The following GPATCH2 variants were observed in gnomAD, a reference collection of about 807,000 sequenced individuals.
The protein encoded by GPATCH2 is G patch domain-containing protein 2.
Under a neutral mutation model 58.0 loss-of-function variants are expected in GPATCH2, and 51 were observed. The ratio of observed to expected loss-of-function variants is 0.88; its 90% CI spans 0.70 to 1.11. The LOEUF is 1.11. GPATCH2 is among the 50% of genes most tolerant of loss of function. GPATCH2 has a pLI of 0.00. For missense variants in GPATCH2, 625 were observed against 652.2 expected, an observed-to-expected ratio of 0.96 and a Z score of 0.45; for synonymous variants, 222 against 218.5, an observed-to-expected ratio of 1.02 and a Z score of -0.14.
chr1:217,436,883 A>G (rs1023539447), intron 9 of GPATCH2, among the ~76,000 whole-genome samples: 1 of 152,164 alleles, frequency 6.6e-6, no homozygotes, highest in African/African-American at 2.4e-5. Flanking sequence ...AGCCGACTGA[A>G]CACTGAACTT....
At chr1:217,630,637 G>A (rs1669706486) in intron 1 of GPATCH2, among the ~76,000 whole-genome samples, 3 of 152,290 alleles carry the variant, frequency 2.0e-5, no homozygotes, top group South Asian at 2.1e-4. Context: ...AACAATCAAT[G>A]AGGAGATGAA....
Position 217,490,662 on chromosome 1 carries a change from C to T in GPATCH2, c.1277+1018G>A, listed in dbSNP as rs558288162. Among the ~76,000 whole-genome samples the T allele has an allele frequency of 9.2e-5, 14 of 152,256 alleles. No homozygotes were observed. In the South Asian group the frequency reaches 2.5e-3, roughly 27 times the overall value. On this transcript the variant is annotated intron_variant, in intron 8 of 9. Transcript: ENST00000366935. Reference sequence around the variant, plus strand: ...TTCTAAAAATTATATACATTTTTCACTTCTTATTGATTCATTTTTATGGTG... The same window carrying T: ...TTCTAAAAATTATATACATTTTTCATTTCTTATTGATTCATTTTTATGGTG...
chr1:217,528,765 ATGC>A (rs1664047870), intron 5 of GPATCH2, among the ~76,000 whole-genome samples: 1 of 152,218 alleles, frequency 6.6e-6, no homozygotes, highest in South Asian at 2.1e-4. Flanking sequence ...GCCTGAGAGA[ATGC>A]TGTTGGTTCC....
At chr1:217,604,479 A>G (rs1383651605) in intron 5 of GPATCH2, among the ~76,000 whole-genome samples, 1 of 152,206 alleles carries the variant, frequency 6.6e-6, no homozygotes, top group Non-Finnish European at 1.5e-5. Context: ...GTTTAAAAAC[A>G]CTTTCTTCTT....
At chr1:217,609,789 T>C (rs886400001) in intron 5 of GPATCH2, 71 of 974,458 alleles carry the variant, frequency 7.3e-5, no homozygotes, top group Non-Finnish European at 8.4e-5. Flanking sequence ...AGTCACAATA[T>C]AAACATTAAG....
intron 9 of GPATCH2, among the ~76,000 whole-genome samples, chr1:217,441,118 A>G (rs1296607945): frequency 1.3e-5 from 2 of 152,144 alleles, no homozygotes; most frequent in African/African-American, 2.4e-5. Flanking sequence ...CTGCAAGGCT[A>G]CAGTAACCAA....
intron 5 of GPATCH2, among the ~76,000 whole-genome samples, chr1:217,518,107 G>A (rs1571846696): frequency 6.6e-6 from 1 of 151,940 alleles, no homozygotes; most frequent in Non-Finnish European, 1.5e-5. Flanking sequence ...TTTATTAGAC[G>A]CTTATCACAC....
chr1:217,585,038 T>C (rs890026034), intron 5 of GPATCH2, among the ~76,000 whole-genome samples: 1 of 152,080 alleles, frequency 6.6e-6, no homozygotes, highest in Non-Finnish European at 1.5e-5. Flanking sequence ...ATAGACCTTA[T>C]ATAATATTAA....
chr1:217,561,917 G>C (rs559608047), intron 5 of GPATCH2, among the ~76,000 whole-genome samples: 37 of 152,286 alleles, frequency 2.4e-4, no homozygotes, highest in African/African-American at 8.4e-4. Context: ...TCTCTCTGGG[G>C]ACTGGTTCTA....
chr1:217,445,417 T>A (rs952838679), intron 9 of GPATCH2, among the ~76,000 whole-genome samples: 1 of 152,168 alleles, frequency 6.6e-6, no homozygotes, highest in Non-Finnish European at 1.5e-5. Flanking sequence ...ACAACCAACA[T>A]TGCTAACGCC....
chr1:217,528,484 C>G (rs1012753695), intron 5 of GPATCH2, among the ~76,000 whole-genome samples: 1 of 152,146 alleles, frequency 6.6e-6, no homozygotes, highest in African/African-American at 2.4e-5. Flanking sequence ...GCATCCTGCC[C>G]TTTCTTGCTC....
chr1:217,566,101 CAAAAAAA>C (rs59608962), intron 5 of GPATCH2, among the ~76,000 whole-genome samples: 587 of 47,264 alleles, frequency 0.012, 5 homozygotes, highest in South Asian at 0.051. Flanking sequence ...AACTCCGTCT[CAAAAAAA>C]AAAAAAAAAA....
intron 5 of GPATCH2, among the ~76,000 whole-genome samples, chr1:217,563,064 C>G (rs1286051184): frequency 6.6e-6 from 1 of 152,142 alleles, no homozygotes; most frequent in East Asian, 1.9e-4. Flanking sequence ...TCCAAAGTAC[C>G]CAGTTGTCTG....
intron 3 of GPATCH2, among the ~76,000 whole-genome samples, chr1:217,612,903 A>C (rs1230439522): frequency 1.3e-5 from 2 of 152,166 alleles, no homozygotes; most frequent in African/African-American, 4.8e-5. Context: ...AATTAATTAA[A>C]AACTTAAATG....
chr1:217,438,764 G>A (rs766376513), intron 9 of GPATCH2, among the ~76,000 whole-genome samples: 1 of 152,088 alleles, frequency 6.6e-6, no homozygotes, highest in Non-Finnish European at 1.5e-5. Flanking sequence ...AAGTGATGGG[G>A]AGAATGGAAC....
chr1:217,580,456 T>C (rs1282908045), intron 5 of GPATCH2, among the ~76,000 whole-genome samples: 1 of 152,158 alleles, frequency 6.6e-6, no homozygotes, highest in Non-Finnish European at 1.5e-5. Flanking sequence ...AACAAATCTG[T>C]ATCAAACAAG....
intron 8 of GPATCH2, among the ~76,000 whole-genome samples, chr1:217,484,690 CAT>C (rs1342087764): frequency 4.7e-5 from 7 of 149,152 alleles, no homozygotes; most frequent in Middle Eastern, 3.6e-3. Context: ...CACATATGAA[CAT>C]ATATGTGTAT....
chr1:217,580,062 C>A (rs1437113579), intron 5 of GPATCH2, among the ~76,000 whole-genome samples: 1 of 152,170 alleles, frequency 6.6e-6, no homozygotes, highest in Non-Finnish European at 1.5e-5. Flanking sequence ...TTGTTACATA[C>A]ACACATTTTC....
intron 5 of GPATCH2, among the ~76,000 whole-genome samples, chr1:217,546,777 G>C (rs749936159): frequency 3.3e-5 from 5 of 151,802 alleles, no homozygotes; most frequent in Non-Finnish European, 7.4e-5. Flanking sequence ...CTTCTGTACA[G>C]ACAAAGAAAC....
Sources: gnomAD v4.1 joint callset for allele counts (sites outside exome capture counted in the v4.1 genomes callset) on GRCh38, gnomAD v4.1.1 for gene constraint, MANE v1.5 for transcripts, NCBI Gene and HGNC (gene_info 2026-07-23, HGNC 2026-07-21) for gene names.